LRRK2: variants seen among roughly 807,000 people sequenced by gnomAD.
LRRK2 encodes the protein leucine-rich repeat serine/threonine-protein kinase 2.
LRRK2 carries 203 observed loss-of-function variants against 302.6 expected under a neutral mutation model. The observed-to-expected ratio is 0.67, with a 90% confidence interval of 0.60 to 0.75. The LOEUF is 0.75. LRRK2 is among the 30% of genes least tolerant of loss of function. The probability of loss-of-function intolerance (pLI) is 0.00; values close to 1 mark genes in which losing one functional copy is unlikely to be tolerated. For missense variants in LRRK2, 2,830 were observed against 2,951.0 expected, an observed-to-expected ratio of 0.96 and a Z score of 0.95; for synonymous variants, 1,066 against 1,031.9, an observed-to-expected ratio of 1.03 and a Z score of -0.63.
chr12:40,252,059 A>G (rs572157794), intron 10 of LRRK2, among the ~76,000 whole-genome samples: 1 of 152,326 alleles, frequency 6.6e-6, no homozygotes, highest in South Asian at 2.1e-4. Flanking sequence ...AGTGCCATTC[A>G]AACATCATAA....
intron 33 of LRRK2, among the ~76,000 whole-genome samples, chr12:40,316,618 G>A (rs1272460397): frequency 6.6e-6 from 1 of 151,956 alleles, no homozygotes; most frequent in Admixed American, 6.6e-5. Context: ...TTTAAATAAG[G>A]AAAATAACAA....
intron 25 of LRRK2, 120 bp from the exon 26 acceptor site, chr12:40,302,669 G>T (rs1243095954): frequency 2.7e-6 from 2 of 748,676 alleles, no homozygotes; most frequent in Non-Finnish European, 4.7e-6. Context: ...TTTAAAAATT[G>T]TCAGTGTGAG....
At chr12:40,267,627 T>C (rs539242217) in intron 14 of LRRK2, among the ~76,000 whole-genome samples, 2 of 152,282 alleles carry the variant, frequency 1.3e-5, no homozygotes, top group African/African-American at 4.8e-5. Flanking sequence ...TGAGCACTGC[T>C]TTTCCCCCAT....
chr12:40,340,271 A>G (rs1408382599), intron 40 of LRRK2, 23 bp from the exon 41 acceptor site: 1 of 1,612,598 alleles, frequency 6.2e-7, no homozygotes, highest in Non-Finnish European at 8.5e-7. Context: ...TTTGAATAAG[A>G]TTTCCTGTGC....
At chr12:40,251,763 G>A (rs1942284007) in intron 10 of LRRK2, among the ~76,000 whole-genome samples, 1 of 152,130 alleles carries the variant, frequency 6.6e-6, no homozygotes, top group Non-Finnish European at 1.5e-5. Flanking sequence ...GAGAGATTTG[G>A]AATCAAGGGT....
intron 6 of LRRK2, among the ~76,000 whole-genome samples, chr12:40,241,423 A>G (rs1941714543): frequency 6.6e-6 from 1 of 152,218 alleles, no homozygotes; most frequent in Non-Finnish European, 1.5e-5. Flanking sequence ...TATGCTACCA[A>G]TGATTGCTAT....
intron 37 of LRRK2, 45 bp downstream of exon 37, chr12:40,322,555 A>G (rs199846147): frequency 6.6e-7 from 1 of 1,509,240 alleles, no homozygotes; most frequent in Non-Finnish European, 9.2e-7. Flanking sequence ...TGATCCTTCA[A>G]TACTTATGAA....
At chr12:40,251,638 A>G (rs1942279788) in intron 10 of LRRK2, 94 bp downstream of exon 10, 1 of 1,095,092 alleles carries the variant, frequency 9.1e-7, no homozygotes. Context: ...ATTGTTAGAA[A>G]TATTTTTGAT....
chr12:40,330,129 G>C (rs1472106277), intron 39 of LRRK2, among the ~76,000 whole-genome samples: 1 of 152,114 alleles, frequency 6.6e-6, no homozygotes, highest in African/African-American at 2.4e-5. Flanking sequence ...ATATTTCTTG[G>C]ATTCCATCCA....
rs1306263519 is a variant in LRRK2, at chr12:40,356,099, A to G, written c.6771-16A>G. 2.5e-6 allele frequency: 4 copies of G among 1,590,074 alleles called. No homozygotes were observed. The highest frequency in any genetic ancestry group is 3.4e-6 in the Non-Finnish European group (4 of 1,161,424). On this transcript the variant is annotated splice_polypyrimidine_tract_variant and intron_variant, in intron 45 of 50. Coordinates refer to ENST00000298910, the MANE Select transcript of LRRK2 (RefSeq NM_198578.4). ...ACATGTTCTTTTTGTAACAATTTCA[A>G]CATTTTTCCTTTTAGCAAACAAAAA...
rs1397429328 is a variant in LRRK2 at position 40,235,555 on chromosome 12, A to AAAAATGC, written c.348-67_348-66insTGCAAAA. ...AGAGTAATAAAAAATAGGTGAGCAAAAAAAATGCAAATAAGCAAACTTTTG... is the reference window on the plus strand; with the variant it reads ...AGAGTAATAAAAAATAGGTGAGCAAAAAAATGCAAAAATGCAAATAAGCAAACTTTTG... On this transcript the variant is annotated intron_variant, in intron 3 of 50. Coordinates refer to ENST00000298910, the MANE Select transcript of LRRK2 (RefSeq NM_198578.4). 4 of 1,052,710 alleles carry AAAAATGC rather than the reference A, an allele frequency of 3.8e-6. No homozygotes were observed. The Admixed American group carries it at 7.0e-5, about 18-fold the overall frequency. 65.2% of individuals were successfully genotyped at this position (1,052,710 alleles called of 1,614,324 possible).
intron 25 of LRRK2, 79 bp from the exon 26 acceptor site, chr12:40,302,710 G>T: frequency 2.1e-6 from 2 of 971,878 alleles, no homozygotes; most frequent in South Asian, 1.3e-5. Flanking sequence ...ACACACTATT[G>T]GTAGCTGTTC....
chr12:40,340,360 G>A lies in LRRK2; in HGVS notation c.6015G>A (p.Leu2005=). 1 of 1,613,868 alleles carries A rather than the reference G, an allele frequency of 6.2e-7. No individual in the cohort carries two copies. The highest frequency in any genetic ancestry group is 2.2e-5 in the East Asian group (1 of 44,878). ...LKPHNVLLFT[L]YPNAAIIAKI... is the part of the protein sequence containing the mutation. Reference sequence around the variant, plus strand: ...CCCACAATGTGCTGCTTTTCACACTGTATCCCAATGCTGCCATCATTGCAA... The same window carrying A: ...CCCACAATGTGCTGCTTTTCACACTATATCCCAATGCTGCCATCATTGCAA... Residue 2005 remains leucine (L), a synonymous_variant, in exon 41 of 51, where the codon CTG becomes CTA. Transcript: ENST00000298910.
At chr12:40,265,349 C>T (rs1199396247) in intron 14 of LRRK2, among the ~76,000 whole-genome samples, 2 of 152,124 alleles carry the variant, frequency 1.3e-5, no homozygotes, top group African/African-American at 4.8e-5. Context: ...AAGAGACACA[C>T]AGCAGAGGAG....
chr12:40,257,577 T>A (rs900055086), intron 12 of LRRK2, among the ~76,000 whole-genome samples, 200 bp downstream of exon 12: 2 of 152,226 alleles, frequency 1.3e-5, no homozygotes, highest in African/African-American at 4.8e-5. Context: ...GGCAAGATTG[T>A]GGAAACATGT....
chr12:40,299,298 A>C, intron 25 of LRRK2, 41 bp downstream of exon 25: 1 of 1,607,612 alleles, frequency 6.2e-7, no homozygotes, highest in Non-Finnish European at 8.5e-7. Flanking sequence ...CAGGCCCTCT[A>C]AGTTGTACAA....
chr12:40,259,654 T>C (rs1942682563), intron 13 of LRRK2, 50 bp downstream of exon 13: 1 of 1,607,856 alleles, frequency 6.2e-7, no homozygotes. Context: ...AAATGGATTT[T>C]TGATTTTTCA....
intron 44 of LRRK2, among the ~76,000 whole-genome samples, chr12:40,352,600 A>G (rs1565774016): frequency 6.7e-6 from 1 of 150,334 alleles, no homozygotes; most frequent in Non-Finnish European, 1.5e-5. Context: ...TAGGCAGAGG[A>G]CCCTGCGGCC....
intron 14 of LRRK2, among the ~76,000 whole-genome samples, chr12:40,272,028 G>T (rs1296028156): frequency 1.3e-5 from 2 of 152,132 alleles, no homozygotes; most frequent in Non-Finnish European, 2.9e-5. Flanking sequence ...AGCCTATGAT[G>T]CTCTTTGAGC....
Sources: allele counts gnomAD v4.1 joint callset (sites outside exome capture counted in the v4.1 genomes callset), GRCh38; gene constraint gnomAD v4.1.1; transcripts MANE v1.5; gene names NCBI Gene and HGNC (gene_info 2026-07-23, HGNC 2026-07-21).